DAPK1: variants seen among roughly 807,000 people sequenced by gnomAD.
DAPK1 encodes the protein death-associated protein kinase 1.
Under a neutral mutation model 144.9 loss-of-function variants are expected in DAPK1, and 56 were observed. That is an observed-to-expected ratio of 0.39 (90% CI 0.31 to 0.48). The LOEUF is 0.48. Ranked by LOEUF, DAPK1 falls within the 20% of genes least tolerant of loss-of-function variation. DAPK1 has a pLI of 0.95. For missense variants in DAPK1, 1,454 were observed against 1,875.4 expected (o/e 0.78, Z 4.15); for synonymous variants, 690 against 749.0 (o/e 0.92, Z 1.29).
At chr9:87,624,499 C>T (rs951551450) in intron 3 of DAPK1, among the ~76,000 whole-genome samples, 2 of 152,206 alleles carry the variant, frequency 1.3e-5, no homozygotes, top group Non-Finnish European at 2.9e-5. Context: ...ACAGAACTTG[C>T]TCAGATTCAA....
At chr9:87,524,129 G>A (rs763816712) in intron 2 of DAPK1, among the ~76,000 whole-genome samples, 32 of 152,310 alleles carry the variant, frequency 2.1e-4, no homozygotes, top group Middle Eastern at 3.4e-3. Flanking sequence ...TTTGTGCCCC[G>A]ATAGAGGTTC....
chr9:87,595,937 AGTTTTTGGAGG>A (rs1828300499), intron 2 of DAPK1, among the ~76,000 whole-genome samples: 1 of 152,036 alleles, frequency 6.6e-6, no homozygotes. Flanking sequence ...AGTTTAAAAT[AGTTTTTGGAGG>A]GTTGTACTTT....
intron 2 of DAPK1, among the ~76,000 whole-genome samples, chr9:87,594,021 T>C (rs942951914): frequency 6.6e-6 from 1 of 152,176 alleles, no homozygotes; most frequent in Admixed American, 6.5e-5. Context: ...TTCATTGAAA[T>C]GGAGCAGCCA....
At chr9:87,626,402 C>T (rs1829493159) in intron 3 of DAPK1, among the ~76,000 whole-genome samples, 2 of 151,820 alleles carry the variant, frequency 1.3e-5, no homozygotes, top group Admixed American at 6.6e-5. Flanking sequence ...GCAACAAGAG[C>T]AAAACTCTGT....
intron 19 of DAPK1, among the ~76,000 whole-genome samples, chr9:87,674,214 G>C (rs1824277246): frequency 6.6e-6 from 1 of 152,094 alleles, no homozygotes; most frequent in African/African-American, 2.4e-5. Context: ...GAAATTAAAA[G>C]TAGGCTGGGT....
chr9:87,593,096 A>G (rs1828193504), intron 2 of DAPK1, among the ~76,000 whole-genome samples: 1 of 152,226 alleles, frequency 6.6e-6, no homozygotes, highest in Non-Finnish European at 1.5e-5. Context: ...GCAACCCCAG[A>G]CACGGAAGAC....
intron 2 of DAPK1, among the ~76,000 whole-genome samples, chr9:87,574,317 C>A (rs919666206): frequency 2.0e-5 from 3 of 152,142 alleles, no homozygotes; most frequent in Non-Finnish European, 4.4e-5. Flanking sequence ...TTCTAGGACC[C>A]AAGACACAGT....
At chr9:87,557,648 AC>A (rs1466130966) in intron 2 of DAPK1, among the ~76,000 whole-genome samples, 1 of 152,354 alleles carries the variant, frequency 6.6e-6, no homozygotes, top group East Asian at 1.9e-4. Context: ...TTTAAAAAAT[AC>A]CTAATCCTTG....
At chr9:87,660,033 C>T (rs1419526392) in intron 18 of DAPK1, among the ~76,000 whole-genome samples, 10 of 152,138 alleles carry the variant, frequency 6.6e-5, no homozygotes, top group Non-Finnish European at 2.9e-5. Context: ...GCTGGGGGCG[C>T]CCCTGCGGGA....
rs776129668 is a variant in DAPK1 at position 87,637,898 on chromosome 9, A to G, written c.285-45A>G. 4.4e-6 allele frequency: 7 copies of G among 1,598,830 alleles called. No homozygotes were observed. In the East Asian group the frequency reaches 1.1e-4, roughly 26 times the overall value. The stretch of plus-strand genomic sequence containing the variant: ...ATAGTCTATGAGAGAAGGAATCAAT[A>G]TGAAACAGAGTTGTTACCAATAACC... On this transcript the variant is annotated intron_variant, in intron 3 of 25. Coordinates refer to ENST00000408954, the MANE Select transcript of DAPK1 (RefSeq NM_004938.4).
intron 2 of DAPK1, among the ~76,000 whole-genome samples, chr9:87,511,041 A>G (rs1181976278): frequency 6.6e-6 from 1 of 152,096 alleles, no homozygotes; most frequent in Non-Finnish European, 1.5e-5. Context: ...CCCGGGTCCT[A>G]CCTCTTCATT....
chr9:87,610,396 G>A (rs1218232093), intron 3 of DAPK1, among the ~76,000 whole-genome samples: 2 of 152,256 alleles, frequency 1.3e-5, no homozygotes, highest in Admixed American at 6.5e-5. Context: ...TTCACCTTCA[G>A]TGCTTGAATC....
At chr9:87,559,968 C>T (rs1268347574) in intron 2 of DAPK1, among the ~76,000 whole-genome samples, 1 of 151,618 alleles carries the variant, frequency 6.6e-6, no homozygotes. Flanking sequence ...CTCTCCTCTT[C>T]CCTCCTCTGC....
chr9:87,680,647 ACACACGCG>A (rs1236412856), intron 19 of DAPK1, among the ~76,000 whole-genome samples: 1 of 122,754 alleles, frequency 8.1e-6, no homozygotes, highest in Non-Finnish European at 1.9e-5. Flanking sequence ...TCACACACAC[ACACACGCG>A]CACACACACA....
intron 2 of DAPK1, among the ~76,000 whole-genome samples, chr9:87,499,820 A>G (rs1824327477): frequency 6.6e-6 from 1 of 152,200 alleles, no homozygotes. Context: ...GTTTCTAGGT[A>G]AACAAAGAAT....
chr9:87,617,677 C>G (rs1187690231), intron 3 of DAPK1, among the ~76,000 whole-genome samples: 1 of 152,172 alleles, frequency 6.6e-6, no homozygotes, highest in East Asian at 1.9e-4. Flanking sequence ...ATTGTCACCT[C>G]CTAATCAATT....
At chr9:87,508,759 C>T (rs1824714392) in intron 2 of DAPK1, among the ~76,000 whole-genome samples, 1 of 151,846 alleles carries the variant, frequency 6.6e-6, no homozygotes, top group Non-Finnish European at 1.5e-5. Context: ...TTTTTTTTCC[C>T]CATTCATGAA....
intron 2 of DAPK1, among the ~76,000 whole-genome samples, chr9:87,508,300 C>T (rs1204735724): frequency 1.3e-5 from 2 of 151,922 alleles, no homozygotes; most frequent in Non-Finnish European, 2.9e-5. Flanking sequence ...GTGTGAGTCG[C>T]CGCACTGGTC....
intron 2 of DAPK1, among the ~76,000 whole-genome samples, chr9:87,568,594 C>T (rs1036385060): frequency 3.9e-5 from 6 of 152,210 alleles, no homozygotes; most frequent in Non-Finnish European, 8.8e-5. Context: ...AGGTGGGATG[C>T]AGTGTGGGTG....
Sources: gnomAD v4.1 joint callset for allele counts (sites outside exome capture counted in the v4.1 genomes callset) on GRCh38, gnomAD v4.1.1 for gene constraint, MANE v1.5 for transcripts, NCBI Gene and HGNC (gene_info 2026-07-23, HGNC 2026-07-21) for gene names.